Variants in PTPN11 observed in about 807,000 individuals in gnomAD.
PTPN11 encodes tyrosine-protein phosphatase non-receptor type 11.
In PTPN11, 6 loss-of-function variants were observed where a neutral mutation model predicts 78.8. The observed-to-expected ratio is 0.08, with a 90% CI of 0.04 to 0.15. The LOEUF (loss-of-function observed/expected upper bound fraction) is 0.15, where lower values mean the gene tolerates loss of function less well. Among genes scored for constraint, PTPN11 ranks in the 10% least tolerant of loss-of-function variants. The pLI is 1.00. For synonymous variants in PTPN11, 221 were observed against 263.5 expected (o/e 0.84, Z 1.56); for missense variants, 386 against 744.8 (o/e 0.52, Z 5.61).
chr12:112,486,774 A>G, intron 11 of PTPN11, 145 bp downstream of exon 11: 3 of 1,505,242 alleles, frequency 2.0e-6, no homozygotes, highest in Non-Finnish European at 2.7e-6. Context: ...GCATTGAGGG[A>G]CATTTTGATC....
chr12:112,419,168 A>G (rs752759024), intron 1 of PTPN11, 43 bp downstream of exon 1: 6 of 1,482,400 alleles, frequency 4.0e-6, no homozygotes, highest in Non-Finnish European at 5.4e-6. Flanking sequence ...CGGCCCGGCC[A>G]CCGCCGCGTT....
chr12:112,503,262 G>A (rs766221035), intron 14 of PTPN11, among the ~76,000 whole-genome samples: 16 of 152,134 alleles, frequency 1.1e-4, no homozygotes, highest in South Asian at 4.1e-4. Context: ...TTGAAAACAC[G>A]GTAGGAAAGC....
intron 13 of PTPN11, among the ~76,000 whole-genome samples, chr12:112,497,877 A>G (rs983861789): frequency 5.3e-5 from 8 of 152,208 alleles, no homozygotes; most frequent in African/African-American, 1.2e-4. Flanking sequence ...TTTAGGCCGG[A>G]TGTGGTGGCT....
At chr12:112,477,078 G>A (rs2038516626) in intron 7 of PTPN11, among the ~76,000 whole-genome samples, 1 of 151,886 alleles carries the variant, frequency 6.6e-6, no homozygotes, top group Non-Finnish European at 1.5e-5. Context: ...CCAGGCTGGA[G>A]TGATCTTGGC....
At chr12:112,495,088 C>G (rs967739884) in intron 13 of PTPN11, among the ~76,000 whole-genome samples, 1 of 152,160 alleles carries the variant, frequency 6.6e-6, no homozygotes, top group African/African-American at 2.4e-5. Flanking sequence ...ATACATATCT[C>G]TGTATAACAG....
chr12:112,488,970 A>G, intron 12 of PTPN11, 54 bp from the exon 13 acceptor site: 1 of 1,608,296 alleles, frequency 6.2e-7, no homozygotes, highest in South Asian at 1.1e-5. Context: ...GCATTAAACA[A>G]CTTCATCCTG....
At chr12:112,494,631 A>T (rs1429045703) in intron 13 of PTPN11, among the ~76,000 whole-genome samples, 1 of 152,092 alleles carries the variant, frequency 6.6e-6, no homozygotes, top group East Asian at 1.9e-4. Flanking sequence ...AAGGAACCTG[A>T]TTCCTTTTAG....
At chr12:112,498,844 G>A (rs543154805) in intron 13 of PTPN11, among the ~76,000 whole-genome samples, 1 of 152,326 alleles carries the variant, frequency 6.6e-6, no homozygotes, top group South Asian at 2.1e-4. Context: ...CATCTGATTT[G>A]TGAGTCAGTT....
At chr12:112,441,293 G>T (rs1462627829) in intron 1 of PTPN11, among the ~76,000 whole-genome samples, 1 of 151,124 alleles carries the variant, frequency 6.6e-6, no homozygotes, top group Non-Finnish European at 1.5e-5. Context: ...AAGAGGTCTT[G>T]CTCGATTGCC....
At chr12:112,466,999 T>A (rs1337831048) in intron 6 of PTPN11, among the ~76,000 whole-genome samples, 1 of 151,976 alleles carries the variant, frequency 6.6e-6, no homozygotes, top group Non-Finnish European at 1.5e-5. Flanking sequence ...GCCTCTGGGG[T>A]CTATTTTGGT....
At position 112,477,638 on chromosome 12, in the gene PTPN11, CT is replaced by C; in HGVS notation, c.854-8del. 6.2e-7 allele frequency: 1 copy of C among 1,605,086 alleles called. No homozygotes were observed. Among genetic ancestry groups the C allele is most frequent in the Non-Finnish European group, 8.5e-7 (1 of 1,173,290 alleles). ...TCCAGGACTTATGTGACCGTGGTCTCTTTTTCTTCTAGTTGATCATACCAGG... is the reference window on the plus strand; with the variant it reads ...TCCAGGACTTATGTGACCGTGGTCTCTTTTCTTCTAGTTGATCATACCAGG... On this transcript the variant is annotated splice_polypyrimidine_tract_variant and intron_variant, in intron 7 of 15. Transcript: ENST00000351677.
rs1177278130 is a variant in PTPN11, at chr12:112,509,633, A to C, written c.*3841A>C. ...GATGTGAATCATGTAAATGTTGATA[A>C]TATGCTGTTTATTATACATTTAGTG... On this transcript the variant is annotated 3_prime_UTR_variant, in exon 16 of 16. Coordinates refer to ENST00000351677, the MANE Select transcript of PTPN11 (RefSeq NM_002834.5). 1 of 152,642 alleles carries C rather than the reference A, an allele frequency of 6.6e-6. No homozygotes were observed. 9.5% of individuals were successfully genotyped at this position (152,642 alleles called of 1,614,324 possible).
intron 13 of PTPN11, among the ~76,000 whole-genome samples, chr12:112,496,848 T>G (rs1309132615): frequency 6.6e-6 from 1 of 152,216 alleles, no homozygotes; most frequent in Non-Finnish European, 1.5e-5. Context: ...TGAACAGTGT[T>G]CTCTCTGAGT....
chr12:112,474,076 C>G (rs1743347823), intron 7 of PTPN11, among the ~76,000 whole-genome samples: 1 of 151,902 alleles, frequency 6.6e-6, no homozygotes, highest in African/African-American at 2.4e-5. Flanking sequence ...TAGGCCGGCG[C>G]AGTGGCTTAC....
At chr12:112,483,713 G>A (rs2038632136) in intron 10 of PTPN11, among the ~76,000 whole-genome samples, 1 of 152,146 alleles carries the variant, frequency 6.6e-6, no homozygotes, top group South Asian at 2.1e-4. Flanking sequence ...AATAGGGATT[G>A]AACTAGGCCA....
rs187093660 is a variant in PTPN11, at chr12:112,449,528, A to C, written c.138-790A>C. On this transcript the variant is annotated intron_variant, in intron 2 of 15. Transcript: ENST00000351677. ...TCTCAAAAACAAACAAACAAACAAA[A>C]AAATTGCTGCATAGTATTCCATTGT... Among the ~76,000 whole-genome samples the C allele has an allele frequency of 3.2e-3, 488 of 152,054 alleles. 2 individuals are homozygous for C. Among genetic ancestry groups the C allele is most frequent in the Non-Finnish European group, 5.1e-3 (349 of 67,966 alleles).
At chr12:112,466,731 A>G (rs1228105028) in intron 6 of PTPN11, among the ~76,000 whole-genome samples, 1 of 152,178 alleles carries the variant, frequency 6.6e-6, no homozygotes, top group Non-Finnish European at 1.5e-5. Context: ...AAGAAAAAAA[A>G]TAAGTAAAGT....
At position 112,475,969 on chromosome 12, in the gene PTPN11, T is replaced by C. The variant is rs562426930; in HGVS notation, c.854-1682T>C. ...CCTTATCCTTTTTTTTTGGAATTTA[T>C]TTTTTCAATTTTTAGAAATAGACAA... is the stretch of plus-strand genomic sequence containing the variant. On this transcript the variant is annotated intron_variant, in intron 7 of 15. Transcript: ENST00000351677. Among the ~76,000 whole-genome samples the C allele has an allele frequency of 2.0e-4, 31 of 152,170 alleles. 2 individuals are homozygous for C. In the South Asian group the frequency reaches 6.4e-3, roughly 32 times the overall value.
At chr12:112,472,179 C>T (rs369764816) in intron 6 of PTPN11, among the ~76,000 whole-genome samples, 18 of 152,040 alleles carry the variant, frequency 1.2e-4, no homozygotes, top group Admixed American at 8.5e-4. Context: ...TTTAAGATAG[C>T]GTCTCATTTT....
Sources: allele counts gnomAD v4.1 joint callset (sites outside exome capture counted in the v4.1 genomes callset), GRCh38; gene constraint gnomAD v4.1.1; transcripts MANE v1.5; gene names NCBI Gene and HGNC (gene_info 2026-07-23, HGNC 2026-07-21).